NAA11: variants seen among roughly 807,000 people sequenced by gnomAD.
NAA11 encodes N-alpha-acetyltransferase 11, NatA catalytic subunit, also known as N-alpha-acetyltransferase 11.
A neutral mutation model predicts 16.1 loss-of-function variants in NAA11; 15 were observed. The ratio of observed to expected loss-of-function variants is 0.93; its 90% CI spans 0.62 to 1.44. NAA11 has a LOEUF of 1.44. Ranked by LOEUF, NAA11 falls within the 40% of genes most tolerant of loss-of-function variation. The probability of loss-of-function intolerance (pLI) is 0.00; values close to 1 mark genes in which losing one functional copy is unlikely to be tolerated. For missense variants in NAA11, 298 were observed against 291.3 expected (o/e 1.02, Z -0.17); for synonymous variants, 122 against 112.4 (o/e 1.09, Z -0.54).
At chr4:79,224,393 G>A (rs1211066605), downstream of NAA11, among the ~76,000 whole-genome samples, 3 of 152,212 alleles carry the variant, frequency 2.0e-5, no homozygotes, top group East Asian at 1.9e-4. Context: ...TCTTGCTCAC[G>A]TGGTGTTCAT....
the NAA11 span, among the ~76,000 whole-genome samples, chr4:79,163,817 C>T: frequency 6.6e-6 from 1 of 152,110 alleles, no homozygotes; most frequent in Non-Finnish European, 1.5e-5. Context: ...GGAAAGATTA[C>T]CCTATTTGTT....
At chr4:79,175,870 C>A in the NAA11 span, among the ~76,000 whole-genome samples, 1 of 152,064 alleles carries the variant, frequency 6.6e-6, no homozygotes, top group Admixed American at 6.6e-5. Context: ...AGGCATTTTG[C>A]CTGACAATAG....
chr4:79,162,106 CTTTAT>C, the NAA11 span, among the ~76,000 whole-genome samples: 2 of 151,982 alleles, frequency 1.3e-5, no homozygotes, highest in East Asian at 3.8e-4. Flanking sequence ...GAATTATTTT[CTTTAT>C]TTTATTTTTA....
chr4:79,285,118 C>A (rs6816922), intron 2 of NAA11, among the ~76,000 whole-genome samples: 85,962 of 151,692 alleles, frequency 0.57, 25,150 homozygotes, highest in African/African-American at 0.69. Context: ...TACGCTAACA[C>A]CTGTCAGCAT....
chr4:79,277,786 T>C (rs1722693454), intron 2 of NAA11, among the ~76,000 whole-genome samples: 2 of 151,930 alleles, frequency 1.3e-5, no homozygotes, highest in Non-Finnish European at 2.9e-5. Context: ...CCCTAGCCAA[T>C]AGGGAAACAA....
At chr4:79,179,512 A>T in the NAA11 span, among the ~76,000 whole-genome samples, 2 of 152,240 alleles carry the variant, frequency 1.3e-5, no homozygotes, top group Non-Finnish European at 2.9e-5. Context: ...AATGATTTTC[A>T]AAATATCATT....
At chr4:79,172,155 GA>G in the NAA11 span, among the ~76,000 whole-genome samples, 1 of 152,006 alleles carries the variant, frequency 6.6e-6, no homozygotes, top group Non-Finnish European at 1.5e-5. Flanking sequence ...CATAATCTGT[GA>G]TTTTTATCAC....
At chr4:79,290,266 G>A (rs767375493) in intron 2 of NAA11, among the ~76,000 whole-genome samples, 13 of 152,134 alleles carry the variant, frequency 8.5e-5, no homozygotes, top group Middle Eastern at 6.8e-3. Context: ...AGGAAGATAC[G>A]GCATAGATAA....
chr4:79,280,491 CT>C (rs111724694), intron 2 of NAA11, among the ~76,000 whole-genome samples: 10,058 of 152,144 alleles, frequency 0.066, 393 homozygotes, highest in African/African-American at 0.1. Context: ...TTAGGTTCTA[CT>C]TTGGTTGTTA....
At chr4:79,297,227 A>T in intron 1 of NAA11, among the ~76,000 whole-genome samples, 1 of 152,160 alleles carries the variant, frequency 6.6e-6, no homozygotes, top group East Asian at 1.9e-4. Flanking sequence ...GGCAGGAACT[A>T]GGGACAAGCG....
chr4:79,219,496 C>T, the NAA11 span, among the ~76,000 whole-genome samples: 1 of 152,164 alleles, frequency 6.6e-6, no homozygotes. Flanking sequence ...TATTCTCAAT[C>T]TCCTTTTCTG....
the NAA11 span, among the ~76,000 whole-genome samples, chr4:79,188,946 G>A: frequency 6.6e-6 from 1 of 151,368 alleles, no homozygotes. Flanking sequence ...AGAAACTTGT[G>A]AAGGGCCGAG....
chr4:79,274,704 T>C (rs1722606239), intron 2 of NAA11, among the ~76,000 whole-genome samples: 1 of 152,030 alleles, frequency 6.6e-6, no homozygotes. Context: ...CTTGGAACAG[T>C]GCATGGCATG....
At chr4:79,246,561 T>C (rs4535356) in intron 2 of NAA11, among the ~76,000 whole-genome samples, 24,789 of 152,078 alleles carry the variant, frequency 0.16, 3,090 homozygotes, top group African/African-American at 0.35. Flanking sequence ...TTGTGAAAAG[T>C]AACTAGCAAT....
intron 2 of NAA11, among the ~76,000 whole-genome samples, chr4:79,293,390 G>A (rs1723135375): frequency 6.6e-6 from 1 of 152,136 alleles, no homozygotes. Context: ...ATATTCTAAA[G>A]AATAACAATA....
the NAA11 span, among the ~76,000 whole-genome samples, chr4:79,158,892 C>A: frequency 1.3e-5 from 2 of 151,870 alleles, no homozygotes; most frequent in Non-Finnish European, 2.9e-5. Flanking sequence ...AAATGGTGCT[C>A]AGATGATTGG....
the NAA11 span, among the ~76,000 whole-genome samples, chr4:79,171,343 C>G: frequency 6.6e-6 from 1 of 152,144 alleles, no homozygotes; most frequent in South Asian, 2.1e-4. Context: ...GTCATGTTTA[C>G]TCTCTTGCCC....
chr4:79,248,205 G>A (rs1351616358), intron 2 of NAA11, among the ~76,000 whole-genome samples: 3 of 152,226 alleles, frequency 2.0e-5, no homozygotes, highest in South Asian at 2.1e-4. Context: ...TCATGCACAG[G>A]TAGACCGGGC....
At chr4:79,224,624 A>G (rs1170224435), downstream of NAA11, among the ~76,000 whole-genome samples, 1 of 152,034 alleles carries the variant, frequency 6.6e-6, no homozygotes, top group Non-Finnish European at 1.5e-5. Context: ...TGGTGCTAAT[A>G]ATGTGAAAGT....
Sources: allele counts gnomAD v4.1 joint callset (sites outside exome capture counted in the v4.1 genomes callset), GRCh38; gene constraint gnomAD v4.1.1; transcripts MANE v1.5; gene names NCBI Gene and HGNC (gene_info 2026-07-23, HGNC 2026-07-21).